ZNRF2: variants seen among roughly 807,000 people sequenced by gnomAD.
ZNRF2 encodes E3 ubiquitin-protein ligase ZNRF2.
In ZNRF2, 16 loss-of-function variants were observed where a neutral mutation model predicts 20.4. The ratio of observed to expected loss-of-function variants is 0.79; its 90% confidence interval spans 0.53 to 1.19. ZNRF2 has a LOEUF of 1.19. Among genes scored for constraint, ZNRF2 ranks in the 50% most tolerant of loss-of-function variants. The pLI is 0.00. For missense variants in ZNRF2, 363 were observed against 332.4 expected, an observed-to-expected ratio of 1.09 and a Z score of -0.72; for synonymous variants, 178 against 144.9, an observed-to-expected ratio of 1.23 and a Z score of -1.64.
At chr7:30,293,989 G>A (rs1312739900) in intron 1 of ZNRF2, among the ~76,000 whole-genome samples, 6 of 152,054 alleles carry the variant, frequency 3.9e-5, no homozygotes, top group Non-Finnish European at 7.4e-5. Context: ...TACATAATGG[G>A]TTATTTATTT....
At chr7:30,286,409 A>G (rs1334584998) in intron 1 of ZNRF2, among the ~76,000 whole-genome samples, 1 of 152,238 alleles carries the variant, frequency 6.6e-6, no homozygotes, top group Admixed American at 6.5e-5. Context: ...CTAAACTGCT[A>G]CTTAAGATCA....
chr7:30,351,490 G>T (rs1319286322), intron 2 of ZNRF2, among the ~76,000 whole-genome samples: 1 of 152,066 alleles, frequency 6.6e-6, no homozygotes, highest in Non-Finnish European at 1.5e-5. Flanking sequence ...GATAAAGCGT[G>T]TGACCAGTCT....
chr7:30,295,852 A>G (rs543574770), intron 1 of ZNRF2, among the ~76,000 whole-genome samples: 1 of 152,240 alleles, frequency 6.6e-6, no homozygotes, highest in Non-Finnish European at 1.5e-5. Context: ...CCGCACTTCC[A>G]GTCTCACCCT....
chr7:30,285,496 G>T lies in ZNRF2; in HGVS notation c.139G>T (p.Gly47Trp), dbSNP rs1236109641. The T allele has an allele frequency of 1.5e-5, 16 of 1,069,612 alleles. No individual in the cohort carries two copies. The highest frequency in any genetic ancestry group is 4.4e-4 in the Middle Eastern group (1 of 2,268). 66.3% of individuals were successfully genotyped at this position (1,069,612 alleles called of 1,614,324 possible). ...GGGGARAAAAGRFPAQVPSAH... is the reference protein window; with the variant it reads ...GGGGARAAAAWRFPAQVPSAH... ...CGGGGGCGCTCGGGCCGCCGCCGCG[G>T]GGAGGTTCCCGGCTCAGGTGCCCAG... The change falls in exon 1 of 5, where the codon GGG becomes TGG. Residue 47 changes from glycine to tryptophan, a missense_variant. Coordinates refer to ENST00000323037, the MANE Select transcript of ZNRF2 (RefSeq NM_147128.4).
intron 1 of ZNRF2, among the ~76,000 whole-genome samples, chr7:30,322,666 CAA>C (rs5883237): frequency 0.024 from 3,522 of 145,402 alleles, 54 homozygotes; most frequent in Middle Eastern, 0.048. Flanking sequence ...ATCATATTTC[CAA>C]AAAAAAAAAA....
At chr7:30,321,241 T>C (rs1799464810) in intron 1 of ZNRF2, among the ~76,000 whole-genome samples, 1 of 152,058 alleles carries the variant, frequency 6.6e-6, no homozygotes. Flanking sequence ...ATTCAGTCTT[T>C]CAGTCAGTCT....
At chr7:30,292,859 C>T (rs1023097864) in intron 1 of ZNRF2, among the ~76,000 whole-genome samples, 1 of 152,152 alleles carries the variant, frequency 6.6e-6, no homozygotes, top group Non-Finnish European at 1.5e-5. Flanking sequence ...TAAACTGCCT[C>T]ATAACCACTG....
chr7:30,299,768 A>G (rs1359272488), intron 1 of ZNRF2, among the ~76,000 whole-genome samples: 2 of 150,056 alleles, frequency 1.3e-5, no homozygotes, highest in East Asian at 3.9e-4. Context: ...GTGTTCTTCT[A>G]AAACCTGCTT....
At chr7:30,345,040 G>A (rs1289556202) in intron 2 of ZNRF2, among the ~76,000 whole-genome samples, 1 of 152,100 alleles carries the variant, frequency 6.6e-6, no homozygotes, top group Admixed American at 6.5e-5. Flanking sequence ...GTATCAACTA[G>A]GGTTGAAATT....
At chr7:30,357,006 C>G (rs1194637609) in intron 3 of ZNRF2, among the ~76,000 whole-genome samples, 1 of 152,088 alleles carries the variant, frequency 6.6e-6, no homozygotes, top group African/African-American at 2.4e-5. Context: ...TATCTAATAA[C>G]ATCTCAAAAT....
intron 1 of ZNRF2, among the ~76,000 whole-genome samples, chr7:30,297,614 T>A (rs1799039048): frequency 6.6e-6 from 1 of 152,198 alleles, no homozygotes; most frequent in African/African-American, 2.4e-5. Flanking sequence ...AGCACATAGA[T>A]GTCATTATGG....
chr7:30,324,184 C>G (rs2128063496), intron 2 of ZNRF2, among the ~76,000 whole-genome samples: 1 of 151,970 alleles, frequency 6.6e-6, no homozygotes, highest in East Asian at 1.9e-4. Context: ...TGTGATATGG[C>G]ACGTCTTGTG....
At chr7:30,362,963 A>G (rs909294374) in intron 4 of ZNRF2, among the ~76,000 whole-genome samples, 1 of 150,118 alleles carries the variant, frequency 6.7e-6, no homozygotes, top group African/African-American at 2.5e-5. Flanking sequence ...CTGAAAATAC[A>G]AAAAAAAATT....
At chr7:30,322,530 C>A (rs747666741) in intron 1 of ZNRF2, among the ~76,000 whole-genome samples, 2 of 152,170 alleles carry the variant, frequency 1.3e-5, no homozygotes, top group Non-Finnish European at 2.9e-5. Context: ...CCTATAGTTT[C>A]TGTTCTCTCG....
chr7:30,297,433 A>G (rs555764981), intron 1 of ZNRF2, among the ~76,000 whole-genome samples: 1 of 152,302 alleles, frequency 6.6e-6, no homozygotes, highest in East Asian at 1.9e-4. Context: ...CTGAGAAAGA[A>G]TATGTGTAAG....
At chr7:30,347,094 G>A (rs1033173125) in intron 2 of ZNRF2, among the ~76,000 whole-genome samples, 2 of 151,874 alleles carry the variant, frequency 1.3e-5, no homozygotes, top group Non-Finnish European at 2.9e-5. Context: ...TATAGTAGGT[G>A]CCTATTTAAA....
chr7:30,294,973 TAGAGAGAGAGGGAGGGGGACAG>T (rs1250900184), intron 1 of ZNRF2, among the ~76,000 whole-genome samples: 1 of 135,192 alleles, frequency 7.4e-6, no homozygotes. Context: ...AGCTGAAATT[TAGAGAGAGAGGGAGGGGGACAG>T]AGAGAGAGAG....
At chr7:30,344,894 T>C (rs1360214994) in intron 2 of ZNRF2, among the ~76,000 whole-genome samples, 2 of 152,218 alleles carry the variant, frequency 1.3e-5, no homozygotes. Flanking sequence ...CTTGAGGACA[T>C]TTTAAGCATT....
intron 1 of ZNRF2, chr7:30,288,908 G>T (rs1432608030): frequency 6.6e-6 from 1 of 151,314 alleles, no homozygotes; most frequent in East Asian, 1.9e-4. Context: ...TTACGTCTAC[G>T]TTTTTTTTTC....
Sources: gnomAD v4.1 joint callset for allele counts (sites outside exome capture counted in the v4.1 genomes callset) on GRCh38, gnomAD v4.1.1 for gene constraint, MANE v1.5 for transcripts, NCBI Gene and HGNC (gene_info 2026-07-23, HGNC 2026-07-21) for gene names.